Variants in TMEM177 observed in about 807,000 individuals in gnomAD.
TMEM177 encodes the protein transmembrane protein 177.
TMEM177 carries 4 observed loss-of-function variants against 14.2 expected under a neutral mutation model. The ratio of observed to expected loss-of-function variants is 0.28; its 90% CI spans 0.14 to 0.64. The LOEUF is 0.64. Ranked by LOEUF, TMEM177 falls within the 30% of genes least tolerant of loss-of-function variation. The probability of loss-of-function intolerance (pLI) is 0.82; values close to 1 mark genes in which losing one functional copy is unlikely to be tolerated. For missense variants in TMEM177, 344 were observed against 405.2 expected (o/e 0.85, Z 1.30); for synonymous variants, 179 against 174.5 (o/e 1.03, Z -0.20).
the TMEM177 span, among the ~76,000 whole-genome samples, chr2:119,710,033 T>C: frequency 6.6e-6 from 1 of 152,178 alleles, no homozygotes; most frequent in African/African-American, 2.4e-5. Context: ...CAGAGTTTTC[T>C]TTGGGGGTGA....
chr2:119,680,861 G>T lies in TMEM177; in HGVS notation c.8G>T (p.Gly3Val), dbSNP rs2104845751. 1 of 1,612,714 alleles carries T rather than the reference G, an allele frequency of 6.2e-7. No homozygotes were observed. The highest frequency in any genetic ancestry group is 8.5e-7 in the Non-Finnish European group (1 of 1,179,012). Residue 3 changes from glycine to valine, a missense_variant, in exon 2 of 2, where the codon GGT (glycine) becomes GTT (valine). Gly to Val is a moderately radical substitution (Grantham distance 109). Coordinates refer to ENST00000272521, the MANE Select transcript of TMEM177 (RefSeq NM_030577.3). Reference sequence around the variant, plus strand: ...TCCGCAGTGACTACACTCATGGCAGGTCCCCTGTGGCGGACCGCAGCATTT... The same window carrying T: ...TCCGCAGTGACTACACTCATGGCAGTTCCCCTGTGGCGGACCGCAGCATTT... MA[G>V]PLWRTAAFVQ...
intron 1 of TMEM177, 59 bp from the exon 2 acceptor site, chr2:119,680,773 A>G: frequency 2.2e-6 from 3 of 1,369,796 alleles, no homozygotes; most frequent in Non-Finnish European, 3.0e-6. Flanking sequence ...ACCCTGGAGG[A>G]TGTTCAGTCT....
chr2:119,711,586 T>C, the TMEM177 span, among the ~76,000 whole-genome samples: 3 of 152,114 alleles, frequency 2.0e-5, no homozygotes, highest in Admixed American at 2.0e-4. Flanking sequence ...CGCCTGGGGC[T>C]TGAAATACTG....
downstream of TMEM177, chr2:119,685,850 A>C: frequency 1.6e-6 from 1 of 608,266 alleles, no homozygotes; most frequent in Non-Finnish European, 3.0e-6. Flanking sequence ...CCTTTTCCTC[A>C]TGCTGGGTTA....
the TMEM177 span, among the ~76,000 whole-genome samples, chr2:119,707,042 G>A: frequency 2.0e-5 from 3 of 151,922 alleles, no homozygotes; most frequent in Non-Finnish European, 4.4e-5. Flanking sequence ...CTCCCGAGTA[G>A]CTGGGACCAC....
chr2:119,700,499 TCTC>T, the TMEM177 span, among the ~76,000 whole-genome samples: 1 of 152,282 alleles, frequency 6.6e-6, no homozygotes, highest in South Asian at 2.1e-4. Flanking sequence ...TGATATATAT[TCTC>T]CTTTAATCCT....
At chr2:119,720,406 C>T in the TMEM177 span, among the ~76,000 whole-genome samples, 2 of 152,062 alleles carry the variant, frequency 1.3e-5, no homozygotes, top group African/African-American at 4.8e-5. Context: ...TCCCTAGTAG[C>T]TGGGATTACA....
chr2:119,680,007 G>A (rs1688853930), intron 1 of TMEM177, among the ~76,000 whole-genome samples: 1 of 152,176 alleles, frequency 6.6e-6, no homozygotes, highest in Non-Finnish European at 1.5e-5. Context: ...GGTGTCTTCT[G>A]AGACCTCCCT....
chr2:119,721,142 A>G, the TMEM177 span, among the ~76,000 whole-genome samples: 1 of 152,220 alleles, frequency 6.6e-6, no homozygotes, highest in Non-Finnish European at 1.5e-5. Context: ...GCTCAGGATT[A>G]AGACTGGTCA....
At chr2:119,719,279 A>G in the TMEM177 span, among the ~76,000 whole-genome samples, 19 of 152,244 alleles carry the variant, frequency 1.2e-4, no homozygotes, top group Non-Finnish European at 7.4e-5. Flanking sequence ...TTGTTTTTGC[A>G]CTTAATCTTA....
At chr2:119,684,729 G>A (rs1265991614), downstream of TMEM177, among the ~76,000 whole-genome samples, 1 of 152,186 alleles carries the variant, frequency 6.6e-6, no homozygotes, top group Non-Finnish European at 1.5e-5. Context: ...GACTTGCCAA[G>A]GACAGAGCCT....
the TMEM177 span, among the ~76,000 whole-genome samples, chr2:119,715,454 G>A: frequency 2.0e-5 from 3 of 152,086 alleles, no homozygotes; most frequent in Non-Finnish European, 4.4e-5. Flanking sequence ...AGAGTATCTC[G>A]CACAGCAGCA....
In TMEM177 at chr2:119,682,036, G is replaced by A; in HGVS notation, c.*247G>A. 2.1e-6 allele frequency: 1 copy of A among 483,376 alleles called. No individual in the cohort carries two copies. The highest frequency in any genetic ancestry group is 3.8e-6 in the Non-Finnish European group (1 of 265,580). The allele number at this position is 483,376 out of a possible 1,614,324, so 29.9% of individuals were successfully genotyped here. A position where few individuals can be genotyped will look rare whatever the true frequency, so the allele number is the denominator to read the frequency against. ...AAGTGGAGATGATGTAAACCGCCTT[G>A]CAAGATTGTAGAGTTGGGTAAGGTC... On this transcript the variant is annotated 3_prime_UTR_variant, in exon 2 of 2. Transcript: ENST00000272521.
At chr2:119,706,035 A>T in the TMEM177 span, among the ~76,000 whole-genome samples, 40,715 of 91,642 alleles carry the variant, frequency 0.44, 6,065 homozygotes, top group South Asian at 0.53. Context: ...ATATATATAT[A>T]TTTTTTTGAG....
the TMEM177 span, among the ~76,000 whole-genome samples, chr2:119,719,375 C>T: frequency 6.6e-6 from 1 of 152,144 alleles, no homozygotes; most frequent in Non-Finnish European, 1.5e-5. Flanking sequence ...TGAACTTGAT[C>T]AGCTGTCCAA....
the TMEM177 span, among the ~76,000 whole-genome samples, chr2:119,706,021 T>TATATATTATATATTA: frequency 1.4e-5 from 1 of 71,984 alleles, no homozygotes; most frequent in Non-Finnish European, 3.2e-5. Context: ...TTATATATAT[T>TATATATTATATATTA]TATATATATA....
Position 119,681,745 on chromosome 2 carries a change from G to A in TMEM177, c.892G>A (p.Val298Met). 3 of 1,614,148 alleles carry A rather than the reference G, an allele frequency of 1.9e-6. No homozygotes were observed. Among genetic ancestry groups the A allele is most frequent in the Non-Finnish European group, 2.5e-6 (3 of 1,180,028 alleles). ...ACCCTACACCACCCGCCGGGACTCT[G>A]TGCTGCAGATGTGGAGGGGGATGCT... ...HLPYTTRRDS[V>M]LQMWRGMLNP... Residue 298 changes from valine to methionine, a missense_variant, in exon 2 of 2, where the codon GTG (valine) becomes ATG (methionine). Physicochemically the swap from Val to Met is conservative, Grantham distance 21. Transcript: ENST00000272521.
chr2:119,721,311 G>A, the TMEM177 span, among the ~76,000 whole-genome samples: 1 of 152,256 alleles, frequency 6.6e-6, no homozygotes, highest in Non-Finnish European at 1.5e-5. Context: ...TTGAAGCTCA[G>A]TGGATCTCCT....
the TMEM177 span, among the ~76,000 whole-genome samples, chr2:119,716,088 C>G: frequency 6.6e-6 from 1 of 152,174 alleles, no homozygotes; most frequent in South Asian, 2.1e-4. Flanking sequence ...GGACAACACA[C>G]GAGCAGATCC....
Sources: gnomAD v4.1 joint callset for allele counts (sites outside exome capture counted in the v4.1 genomes callset) on GRCh38, gnomAD v4.1.1 for gene constraint, MANE v1.5 for transcripts, NCBI Gene and HGNC (gene_info 2026-07-23, HGNC 2026-07-21) for gene names.